The following DISC1 variants were observed in gnomAD, a reference collection of about 807,000 sequenced individuals.
The protein encoded by DISC1 is DISC1 scaffold protein, also known as disrupted in schizophrenia 1 protein.
A neutral mutation model predicts 84.5 loss-of-function variants in DISC1; 57 were observed. That is an observed-to-expected ratio of 0.67 (90% CI 0.55 to 0.84). DISC1 has a LOEUF of 0.84. Ranked by LOEUF, DISC1 falls within the 40% of genes least tolerant of loss-of-function variation. The probability of loss-of-function intolerance (pLI) is 0.00; values close to 1 mark genes in which losing one functional copy is unlikely to be tolerated. For missense variants in DISC1, 1,000 were observed against 1,057.8 expected, an observed-to-expected ratio of 0.95 and a Z score of 0.76; for synonymous variants, 411 against 415.2, an observed-to-expected ratio of 0.99 and a Z score of 0.12.
At chr1:231,873,864 C>A (rs1178188774) in intron 9 of DISC1, among the ~76,000 whole-genome samples, 2 of 148,432 alleles carry the variant, frequency 1.3e-5, no homozygotes, top group Non-Finnish European at 3.0e-5. Flanking sequence ...TTTTTTGAGA[C>A]AGAGTCTTTC....
In DISC1 at chr1:231,829,552, A is replaced by G. The variant is rs546790737; in HGVS notation, c.1981+11035A>G. Reference sequence around the variant, plus strand: ...GGCTTGGTAGAGACGGGATTATGCCATGTTGCCTAGAGTGGTCTCGAACTC... The same window carrying G: ...GGCTTGGTAGAGACGGGATTATGCCGTGTTGCCTAGAGTGGTCTCGAACTC... On this transcript the variant is annotated intron_variant, in intron 9 of 12. Coordinates refer to ENST00000439617, the MANE Select transcript of DISC1 (RefSeq NM_018662.3). Among the ~76,000 whole-genome samples, 28 of 152,224 alleles carry G rather than the reference A, an allele frequency of 1.8e-4. No homozygotes were observed. The South Asian group carries it at 5.6e-3, about 30-fold the overall frequency.
chr1:231,672,526 G>A (rs1027429218), intron 1 of DISC1, among the ~76,000 whole-genome samples: 3 of 152,118 alleles, frequency 2.0e-5, no homozygotes, highest in Non-Finnish European at 2.9e-5. Context: ...TGACTTTCTT[G>A]TCCTGCTCCA....
chr1:231,831,157 A>G (rs571293088), intron 9 of DISC1, among the ~76,000 whole-genome samples: 1 of 152,324 alleles, frequency 6.6e-6, no homozygotes, highest in South Asian at 2.1e-4. Flanking sequence ...AGTAAAGTCA[A>G]TTTGCCAGTC....
intron 3 of DISC1, chr1:231,723,249 A>G: frequency 1.3e-6 from 1 of 799,846 alleles, no homozygotes; most frequent in Non-Finnish European, 1.4e-6. Flanking sequence ...TATTTATTGA[A>G]AAAAAAGTCT....
At chr1:231,767,539 C>T (rs2076257451) in intron 5 of DISC1, among the ~76,000 whole-genome samples, 1 of 152,200 alleles carries the variant, frequency 6.6e-6, no homozygotes, top group Non-Finnish European at 1.5e-5. Flanking sequence ...TCAAAGAATC[C>T]TCCTGCCTCA....
At chr1:231,674,852 G>A (rs1322713429) in intron 1 of DISC1, among the ~76,000 whole-genome samples, 1 of 152,212 alleles carries the variant, frequency 6.6e-6, no homozygotes, top group African/African-American at 2.4e-5. Context: ...TCACCTAGAA[G>A]GAGCGAGGAT....
rs1053944334 is a variant in DISC1 at position 232,005,109 on chromosome 1, C to A, written c.2043-3676C>A. ...CCTCCCTTCCTCCTTTCCTCCTTTTCTTATTATATTTTCTTTCTCTTTTTG... is the reference window on the plus strand; with the variant it reads ...CCTCCCTTCCTCCTTTCCTCCTTTTATTATTATATTTTCTTTCTCTTTTTG... On this transcript the variant is annotated intron_variant, in intron 10 of 12. Transcript: ENST00000439617. Among the ~76,000 whole-genome samples the A allele has an allele frequency of 1.3e-4, 14 of 110,554 alleles. No homozygotes were observed. The East Asian group carries it at 3.9e-3, about 31-fold the overall frequency. The allele number at this position is 110,554 out of a possible 152,430, so 72.5% of individuals were successfully genotyped here.
chr1:231,732,745 CA>C (rs1355621359), intron 3 of DISC1, among the ~76,000 whole-genome samples: 1 of 152,190 alleles, frequency 6.6e-6, no homozygotes, highest in Non-Finnish European at 1.5e-5. Context: ...TCTTAATAAA[CA>C]GGTAGAAAGT....
chr1:231,737,388 A>G (rs545470063), intron 3 of DISC1, among the ~76,000 whole-genome samples: 19 of 152,370 alleles, frequency 1.2e-4, no homozygotes, highest in South Asian at 6.2e-4. Context: ...GATGGGTTCA[A>G]CCACATTTAT....
At chr1:231,682,403 A>G (rs925619778) in intron 1 of DISC1, among the ~76,000 whole-genome samples, 4 of 152,182 alleles carry the variant, frequency 2.6e-5, no homozygotes, top group Admixed American at 2.0e-4. Context: ...ATTCCAAAGC[A>G]GCATAGTTTG....
chr1:231,805,380 G>C (rs1042102685), intron 8 of DISC1, among the ~76,000 whole-genome samples: 1 of 152,154 alleles, frequency 6.6e-6, no homozygotes, highest in East Asian at 1.9e-4. Context: ...AAATTGTACA[G>C]GAAGCATGGC....
At chr1:231,725,207 C>T (rs746241339) in intron 3 of DISC1, among the ~76,000 whole-genome samples, 3 of 152,196 alleles carry the variant, frequency 2.0e-5, no homozygotes, top group Non-Finnish European at 4.4e-5. Context: ...TAGTGATTCT[C>T]ATGTTCTGCA....
At chr1:231,999,842 A>ACAACAG (rs1265718169) in intron 10 of DISC1, among the ~76,000 whole-genome samples, 1 of 151,378 alleles carries the variant, frequency 6.6e-6, no homozygotes, top group Non-Finnish European at 1.5e-5. Flanking sequence ...AACAACAACA[A>ACAACAG]CAACAAAACA....
intron 9 of DISC1, among the ~76,000 whole-genome samples, chr1:231,912,801 CTTTCTTT>C (rs889654116): frequency 8.7e-6 from 1 of 114,672 alleles, no homozygotes; most frequent in Non-Finnish European, 1.9e-5. Flanking sequence ...TTCTTTCTTT[CTTTCTTT>C]TTCTTTCCTT....
intron 9 of DISC1, among the ~76,000 whole-genome samples, chr1:231,893,995 A>G (rs2087467939): frequency 6.6e-6 from 1 of 152,220 alleles, no homozygotes; most frequent in Non-Finnish European, 1.5e-5. Flanking sequence ...ACAAACGTGT[A>G]TACCAGCATG....
chr1:231,794,081 G>A (rs931759124), intron 6 of DISC1, among the ~76,000 whole-genome samples: 1 of 152,118 alleles, frequency 6.6e-6, no homozygotes, highest in Non-Finnish European at 1.5e-5. Context: ...ACCACGCCCG[G>A]CCCCTAACTA....
At chr1:231,986,622 A>G (rs769027766) in intron 10 of DISC1, among the ~76,000 whole-genome samples, 14 of 152,206 alleles carry the variant, frequency 9.2e-5, no homozygotes, top group Non-Finnish European at 1.8e-4. Context: ...TTGCTACAAA[A>G]TGTCTTTCTG....
intron 9 of DISC1, among the ~76,000 whole-genome samples, chr1:231,870,488 G>A (rs181210661): frequency 1.6e-4 from 25 of 152,300 alleles, no homozygotes; most frequent in South Asian, 4.1e-4. Context: ...TGTGACCTAC[G>A]TCTCTGAGCG....
intron 9 of DISC1, among the ~76,000 whole-genome samples, chr1:231,870,443 T>C (rs953390127): frequency 6.6e-6 from 1 of 152,254 alleles, no homozygotes; most frequent in African/African-American, 2.4e-5. Flanking sequence ...GATTTGCAGC[T>C]TGTGCTAAGT....
Sources: allele counts gnomAD v4.1 joint callset (sites outside exome capture counted in the v4.1 genomes callset), GRCh38; gene constraint gnomAD v4.1.1; transcripts MANE v1.5; gene names NCBI Gene and HGNC (gene_info 2026-07-23, HGNC 2026-07-21).